Variants in TTC7B observed in about 807,000 individuals in gnomAD.
The protein encoded by TTC7B is tetratricopeptide repeat protein 7B.
A neutral mutation model predicts 106.8 loss-of-function variants in TTC7B; 28 were observed. The observed-to-expected ratio is 0.26, with a 90% CI of 0.19 to 0.36. The LOEUF is 0.36. Ranked by LOEUF, TTC7B falls within the 10% of genes least tolerant of loss-of-function variation. TTC7B has a pLI of 1.00. For missense variants in TTC7B, 862 were observed against 1,076.4 expected (o/e 0.80, Z 2.79); for synonymous variants, 405 against 430.6 (o/e 0.94, Z 0.74).
At chr14:90,623,446 T>C (rs930482023) in intron 15 of TTC7B, among the ~76,000 whole-genome samples, 4 of 152,200 alleles carry the variant, frequency 2.6e-5, no homozygotes, top group African/African-American at 9.7e-5. Flanking sequence ...CTAATGAAGA[T>C]AGCGGCACTA....
intron 3 of TTC7B, among the ~76,000 whole-genome samples, chr14:90,773,667 T>C (rs929046595): frequency 1.3e-5 from 2 of 152,148 alleles, no homozygotes; most frequent in Admixed American, 6.5e-5. Flanking sequence ...AGGTTAGAAA[T>C]TGGCTTCTGT....
In TTC7B at chr14:90,766,867, C is replaced by A. The variant is rs770303685; in HGVS notation, c.445+13871G>T. The A allele has an allele frequency of 2.3e-5, 36 of 1,595,966 alleles. No individual in the cohort carries two copies. The South Asian group carries it at 3.5e-4, about 16-fold the overall frequency. ...CAACAAGCTCCATGAAGACCTGGAG[C>A]GACTGAAGAAGATTCGGGCCCATAG... On this transcript the variant is annotated intron_variant, in intron 3 of 19. Coordinates refer to ENST00000328459, the MANE Select transcript of TTC7B (RefSeq NM_001010854.2).
intron 9 of TTC7B, among the ~76,000 whole-genome samples, chr14:90,664,040 A>T (rs962940422): frequency 6.6e-6 from 1 of 151,780 alleles, no homozygotes; most frequent in African/African-American, 2.4e-5. Context: ...ACAAAAGGAG[A>T]CTCCCTGCCA....
At chr14:90,737,802 C>T (rs1889601711) in intron 4 of TTC7B, among the ~76,000 whole-genome samples, 1 of 152,194 alleles carries the variant, frequency 6.6e-6, no homozygotes, top group Non-Finnish European at 1.5e-5. Context: ...TGTGATCCAC[C>T]CACCTCGGCC....
At chr14:90,801,222 C>CAAA (rs67620286) in intron 1 of TTC7B, among the ~76,000 whole-genome samples, 1,076 of 70,842 alleles carry the variant, frequency 0.015, 24 homozygotes, top group Non-Finnish European at 0.017. Context: ...AAGACCCTAT[C>CAAA]AAAAAAAAAA....
intron 5 of TTC7B, among the ~76,000 whole-genome samples, chr14:90,696,003 T>A (rs532097384): frequency 2.6e-5 from 4 of 152,024 alleles, no homozygotes; most frequent in Non-Finnish European, 5.9e-5. Context: ...AATATGAAGA[T>A]GGAAGGCACA....
At chr14:90,642,408 A>C (rs1885220020) in intron 15 of TTC7B, among the ~76,000 whole-genome samples, 1 of 152,206 alleles carries the variant, frequency 6.6e-6, no homozygotes. Context: ...CAGTGAAATA[A>C]AGCCAGAGCT....
At chr14:90,617,513 A>G (rs912692106) in intron 16 of TTC7B, among the ~76,000 whole-genome samples, 12 of 152,226 alleles carry the variant, frequency 7.9e-5, no homozygotes, top group Non-Finnish European at 1.5e-5. Flanking sequence ...TCTTCTTAGT[A>G]GCATGCGGCC....
chr14:90,560,883 T>C (rs1232286756), intron 19 of TTC7B, among the ~76,000 whole-genome samples: 1 of 152,254 alleles, frequency 6.6e-6, no homozygotes, highest in Non-Finnish European at 1.5e-5. Flanking sequence ...ATTTGTCACC[T>C]TTGTGTAATA....
At chr14:90,616,323 C>A (rs1173295205) in intron 16 of TTC7B, among the ~76,000 whole-genome samples, 4 of 152,168 alleles carry the variant, frequency 2.6e-5, no homozygotes, top group Admixed American at 1.3e-4. Context: ...TGGACAGTTT[C>A]TATTTTTGCT....
At chr14:90,795,807 C>A (rs575510942) in intron 1 of TTC7B, among the ~76,000 whole-genome samples, 4 of 152,168 alleles carry the variant, frequency 2.6e-5, no homozygotes, top group African/African-American at 9.7e-5. Context: ...GTTCAACAGG[C>A]CTGCAATGTA....
chr14:90,647,360 G>A (rs1172375069), intron 13 of TTC7B: 3 of 223,700 alleles, frequency 1.3e-5, no homozygotes, highest in African/African-American at 2.2e-5. Flanking sequence ...TCTGTGTCGT[G>A]CTGGGACGCA....
chr14:90,650,537 A>G (rs1885672434), intron 13 of TTC7B, among the ~76,000 whole-genome samples: 1 of 152,136 alleles, frequency 6.6e-6, no homozygotes, highest in South Asian at 2.1e-4. Context: ...CTTAAACTCA[A>G]GCTAGGACAG....
intron 7 of TTC7B, 104 bp from the exon 8 acceptor site, chr14:90,680,639 T>C (rs578027638): frequency 2.7e-6 from 2 of 729,140 alleles, no homozygotes; most frequent in African/African-American, 1.8e-5. Flanking sequence ...ATAATACCCA[T>C]GAAAAATACT....
chr14:90,610,006 A>G (rs1184161563), intron 17 of TTC7B, among the ~76,000 whole-genome samples: 2 of 152,224 alleles, frequency 1.3e-5, no homozygotes, highest in African/African-American at 4.8e-5. Context: ...ATTGTATAAA[A>G]TTGCCTAAAT....
chr14:90,624,468 T>A lies in TTC7B; in HGVS notation c.1752-6423A>T, dbSNP rs1322972617. ...CCCCAGGAAGACTTCGCTGACTCGC[T>A]GGAAACTGCTCCCAACCACTGGACA... On this transcript the variant is annotated intron_variant, in intron 15 of 19. Coordinates refer to ENST00000328459, the MANE Select transcript of TTC7B (RefSeq NM_001010854.2). This position sits in a 1 kb window ranked among gnomAD's most constrained non-coding sequence, Gnocchi z 4.0. Among the ~76,000 whole-genome samples, 3 of 152,168 alleles carry A rather than the reference T, an allele frequency of 2.0e-5. No homozygotes were observed. Among genetic ancestry groups the A allele is most frequent in the African/African-American group, 7.2e-5 (3 of 41,452 alleles).
chr14:90,737,401 T>G (rs77531730), intron 4 of TTC7B, among the ~76,000 whole-genome samples: 6,636 of 152,214 alleles, frequency 0.044, 188 homozygotes, highest in Non-Finnish European at 0.06. Context: ...ATAAATACCA[T>G]GTAGCACATA....
chr14:90,647,357 C>T (rs943854603), intron 13 of TTC7B: 3 of 224,938 alleles, frequency 1.3e-5, no homozygotes, highest in Admixed American at 9.6e-5. Context: ...GTCTCTGTGT[C>T]GTGCTGGGAC....
At chr14:90,698,611 G>A (rs561397659) in intron 5 of TTC7B, 15 of 152,408 alleles carry the variant, frequency 9.8e-5, no homozygotes, top group African/African-American at 2.2e-4. Context: ...TTCACTCAGC[G>A]GGCACTCTGG....
Sources: allele counts gnomAD v4.1 joint callset (sites outside exome capture counted in the v4.1 genomes callset), GRCh38; gene constraint gnomAD v4.1.1; non-coding constraint Gnocchi (gnomAD v3.1); transcripts MANE v1.5; gene names NCBI Gene and HGNC (gene_info 2026-07-23, HGNC 2026-07-21).